Variants in NCKAP1 observed in about 807,000 individuals in gnomAD.
NCKAP1 encodes the protein nck-associated protein 1.
A neutral mutation model predicts 151.2 loss-of-function variants in NCKAP1; 21 were observed. That is an observed-to-expected ratio of 0.14 (90% CI 0.10 to 0.20). NCKAP1 has a LOEUF of 0.20. Ranked by LOEUF, NCKAP1 falls within the 10% of genes least tolerant of loss-of-function variation. The pLI, the probability that NCKAP1 is intolerant of heterozygous loss-of-function variation, is 1.00. For synonymous variants in NCKAP1, 484 were observed against 451.8 expected, an observed-to-expected ratio of 1.07 and a Z score of -0.90; for missense variants, 933 against 1,352.1, an observed-to-expected ratio of 0.69 and a Z score of 4.86.
At chr2:182,953,040 C>CA in intron 21 of NCKAP1, 73 bp downstream of exon 21, 1 of 1,477,526 alleles carries the variant, frequency 6.8e-7, no homozygotes, top group Non-Finnish European at 9.1e-7. Context: ...TACTTATTCA[C>CA]AAAAAAATTA....
chr2:182,994,638 CA>C (rs999821790), intron 8 of NCKAP1, among the ~76,000 whole-genome samples, 200 bp downstream of exon 8: 11 of 133,094 alleles, frequency 8.3e-5, no homozygotes, highest in Admixed American at 2.3e-4. Context: ...GACCTCATCT[CA>C]AAAAAAAAAG....
Position 182,920,120 on chromosome 2 carries a change from A to G in NCKAP1, c.*5582T>C, listed in dbSNP as rs1444338808. On this transcript the variant is annotated 3_prime_UTR_variant, in exon 31 of 31. Coordinates refer to ENST00000361354, the MANE Select transcript of NCKAP1 (RefSeq NM_013436.5). ...GTTGCTGGGACTACAGGTGTACACA[A>G]TCACACCCGGCTTTTTCATTTTTGT... is the stretch of plus-strand genomic sequence containing the variant. The G allele has an allele frequency of 6.6e-6, 1 of 152,130 alleles. No homozygotes were observed. The highest frequency in any genetic ancestry group is 1.5e-5 in the Non-Finnish European group (1 of 68,076). 9.4% of individuals were successfully genotyped at this position (152,130 alleles called of 1,614,324 possible). A position where few individuals can be genotyped will look rare whatever the true frequency, so the allele number is the denominator to read the frequency against.
At chr2:183,026,802 C>A (rs1469501742) in intron 1 of NCKAP1, among the ~76,000 whole-genome samples, 4 of 152,166 alleles carry the variant, frequency 2.6e-5, no homozygotes, top group African/African-American at 9.6e-5. Context: ...ATAAAGAAAC[C>A]ATGTAAAGCA....
intron 16 of NCKAP1, 46 bp downstream of exon 16, chr2:182,967,170 C>T: frequency 2.0e-6 from 3 of 1,531,046 alleles, no homozygotes; most frequent in Non-Finnish European, 2.7e-6. Context: ...ACATATATCG[C>T]ATACTAAAAC....
intron 23 of NCKAP1, among the ~76,000 whole-genome samples, chr2:182,951,823 C>T (rs1415913082): frequency 6.6e-6 from 1 of 151,898 alleles, no homozygotes; most frequent in South Asian, 2.1e-4. Context: ...TATACAGATT[C>T]GTTTAATATA....
At chr2:183,024,082 G>C (rs1488211642) in intron 1 of NCKAP1, among the ~76,000 whole-genome samples, 166 bp from the exon 2 acceptor site, 1 of 152,012 alleles carries the variant, frequency 6.6e-6, no homozygotes, top group Non-Finnish European at 1.5e-5. Flanking sequence ...TATGCAATGG[G>C]AGACAGTACA....
intron 15 of NCKAP1, among the ~76,000 whole-genome samples, chr2:182,975,093 C>T (rs1305408300): frequency 6.6e-6 from 1 of 152,166 alleles, no homozygotes. Flanking sequence ...GCAGTTCAAG[C>T]TTTATGACAA....
At chr2:183,024,850 C>T in intron 1 of NCKAP1, 4 of 1,019,848 alleles carry the variant, frequency 3.9e-6, no homozygotes, top group Non-Finnish European at 5.8e-6. Context: ...AAATACACTA[C>T]TGCAATTTTA....
chr2:182,973,454 G>C (rs10177870), intron 15 of NCKAP1, among the ~76,000 whole-genome samples: 11 of 152,178 alleles, frequency 7.2e-5, no homozygotes, highest in African/African-American at 2.6e-4. Context: ...TTAGGAAGTA[G>C]AAAAGAATGA....
At chr2:182,996,609 C>T (rs919190646) in intron 6 of NCKAP1, among the ~76,000 whole-genome samples, 2 of 152,214 alleles carry the variant, frequency 1.3e-5, no homozygotes, top group African/African-American at 4.8e-5. Flanking sequence ...AGGCGCCCGC[C>T]ACCACGCTCA....
At chr2:182,991,588 C>A (rs1311096515) in intron 8 of NCKAP1, among the ~76,000 whole-genome samples, 1 of 151,542 alleles carries the variant, frequency 6.6e-6, no homozygotes, top group African/African-American at 2.4e-5. Flanking sequence ...AAATAGATTG[C>A]CCAAGATTAG....
intron 13 of NCKAP1, 137 bp downstream of exon 13, chr2:182,981,107 T>TA: frequency 9.1e-7 from 1 of 1,097,456 alleles, no homozygotes; most frequent in South Asian, 1.6e-5. Context: ...CCCTTCTAGG[T>TA]AATGATCTCC....
intron 24 of NCKAP1, among the ~76,000 whole-genome samples, chr2:182,939,346 A>G (rs1696946798): frequency 6.6e-6 from 1 of 152,006 alleles, no homozygotes; most frequent in Admixed American, 6.6e-5. Context: ...CCTGGACAAC[A>G]CTGTGAAACC....
chr2:183,023,772 A>C, intron 2 of NCKAP1, 34 bp downstream of exon 2: 1 of 1,523,042 alleles, frequency 6.6e-7, no homozygotes, highest in Non-Finnish European at 9.1e-7. Flanking sequence ...AAAGATGCTT[A>C]AAATTAAGCA....
At position 182,953,247 on chromosome 2, in the gene NCKAP1, G is replaced by A. The variant is rs1299025129; in HGVS notation, c.2238C>T (p.Tyr746=). ...TTTCTATTGACTGGAGTACGGTCAT[G>A]TATGCTCTTACACTTGTTAGAAGTT... ...PSELLTSVRA[Y]MTVLQSIENY... The change falls in exon 21 of 31, where the codon TAC becomes TAT. Residue 746 remains tyrosine, a synonymous_variant. Coordinates refer to ENST00000361354, the MANE Select transcript of NCKAP1 (RefSeq NM_013436.5). 2.5e-6 allele frequency: 4 copies of A among 1,612,962 alleles called. No homozygotes were observed. Among genetic ancestry groups the A allele is most frequent in the Non-Finnish European group, 2.5e-6 (3 of 1,179,210 alleles).
In NCKAP1 at chr2:183,025,217, C is replaced by T. The variant is rs74505510; in HGVS notation, c.109-1301G>A. ...CTGTTCATATAAACACTACTGTGTA[C>T]GTGTACAATCAGGTCAGTTTCTTGG... On this transcript the variant is annotated intron_variant, in intron 1 of 30. Coordinates refer to ENST00000361354, the MANE Select transcript of NCKAP1 (RefSeq NM_013436.5). 1.6e-4 allele frequency among the ~76,000 whole-genome samples: 24 copies of T among 152,076 alleles called. No homozygotes were observed. In the East Asian group the frequency reaches 3.9e-3, roughly 24 times the overall value.
chr2:182,940,832 T>C lies in NCKAP1; in HGVS notation c.2695+1238A>G, dbSNP rs561289110. Among the ~76,000 whole-genome samples the C allele has an allele frequency of 5.4e-4, 83 of 152,398 alleles. 1 individual carries two copies. In the South Asian group the frequency reaches 0.012, roughly 22 times the overall value. ...ATATGATAGATTTGTATCACCACTA[T>C]GGTGAACAGTTTCATCACCCTAAAA... On this transcript the variant is annotated intron_variant, in intron 24 of 30. Transcript: ENST00000361354.
At chr2:182,933,389 A>AT (rs35213776) in intron 26 of NCKAP1, among the ~76,000 whole-genome samples, 86,492 of 123,920 alleles carry the variant, frequency 0.7, 32,633 homozygotes, top group South Asian at 0.84. Flanking sequence ...GTGGCACCAC[A>AT]TTTTTTTTTT....
intron 2 of NCKAP1, among the ~76,000 whole-genome samples, chr2:183,012,979 G>A (rs1308542861): frequency 6.6e-6 from 1 of 151,578 alleles, no homozygotes; most frequent in Non-Finnish European, 1.5e-5. Flanking sequence ...TTACTGCCTT[G>A]CCCTTCCCTC....
Sources: allele counts gnomAD v4.1 joint callset (sites outside exome capture counted in the v4.1 genomes callset), GRCh38; gene constraint gnomAD v4.1.1; transcripts MANE v1.5; gene names NCBI Gene and HGNC (gene_info 2026-07-23, HGNC 2026-07-21).